LRRC49: variants seen among roughly 807,000 people sequenced by gnomAD.
LRRC49 encodes leucine-rich repeat-containing protein 49.
LRRC49 carries 50 observed loss-of-function variants against 83.3 expected under a neutral mutation model. The ratio of observed to expected loss-of-function variants is 0.60; its 90% CI spans 0.48 to 0.76. The LOEUF is 0.76. Among genes scored for constraint, LRRC49 ranks in the 30% least tolerant of loss-of-function variants. The probability of loss-of-function intolerance (pLI) is 0.00; values close to 1 mark genes in which losing one functional copy is unlikely to be tolerated. For missense variants in LRRC49, 704 were observed against 809.1 expected (o/e 0.87, Z 1.58); for synonymous variants, 286 against 283.3 (o/e 1.01, Z -0.10).
At chr15:71,002,314 G>C (rs2038287430) in intron 11 of LRRC49, among the ~76,000 whole-genome samples, 1 of 151,666 alleles carries the variant, frequency 6.6e-6, no homozygotes, top group African/African-American at 2.4e-5. Flanking sequence ...TTGGCTTATG[G>C]GGGGGGCGTG....
At chr15:70,893,743 A>T in intron 2 of LRRC49, 103 bp downstream of exon 2, 1 of 894,960 alleles carries the variant, frequency 1.1e-6, no homozygotes, top group Non-Finnish European at 1.7e-6. Flanking sequence ...TGAAAAATTT[A>T]AGTAGATTTG....
At chr15:70,883,014 C>A (rs2033306076) in intron 2 of LRRC49, 1 of 1,121,198 alleles carries the variant, frequency 8.9e-7, no homozygotes, top group Non-Finnish European at 1.3e-6. Context: ...TTTTCAGTCA[C>A]ATATTAGTAA....
chr15:70,900,830 A>G, intron 3 of LRRC49, 92 bp from the exon 4 acceptor site: 1 of 720,558 alleles, frequency 1.4e-6, no homozygotes, highest in Non-Finnish European at 2.4e-6. Context: ...TAAGATATTT[A>G]TGGTGCTAAA....
At chr15:70,926,595 G>GTATA in intron 7 of LRRC49, among the ~76,000 whole-genome samples, 1 of 151,926 alleles carries the variant, frequency 6.6e-6, no homozygotes, top group Non-Finnish European at 1.5e-5. Flanking sequence ...GTATACATGT[G>GTATA]CCATGTTGGT....
chr15:71,040,503 T>G, intron 15 of LRRC49, among the ~76,000 whole-genome samples: 1 of 152,128 alleles, frequency 6.6e-6, no homozygotes, highest in East Asian at 1.9e-4. Context: ...AAAGTCTAAC[T>G]TAATCTGGCA....
chr15:71,005,870 A>G (rs1354370475), intron 11 of LRRC49, among the ~76,000 whole-genome samples: 2 of 152,226 alleles, frequency 1.3e-5, no homozygotes, highest in Non-Finnish European at 2.9e-5. Flanking sequence ...TAGAAGAACA[A>G]TCCCCAAAAT....
In LRRC49 at chr15:70,855,334, CAA is replaced by C. The variant is rs1248762528; in HGVS notation, c.-299+1878_-299+1879del. On this transcript the variant is annotated intron_variant, in intron 1 of 16. Transcript: ENST00000544974. ...TGGGCAACAGAGCGAGACTCCGTCTCAAAAAAAAAAAAAAGAAAAAGAAAAAA... is the reference window on the plus strand; with the variant it reads ...TGGGCAACAGAGCGAGACTCCGTCTCAAAAAAAAAAAAGAAAAAGAAAAAA... 1.9e-4 allele frequency among the ~76,000 whole-genome samples: 11 copies of C among 59,184 alleles called. No individual in the cohort carries two copies. The South Asian group carries it at 2.7e-3, about 15-fold the overall frequency. 38.8% of individuals were successfully genotyped at this position (59,184 alleles called of 152,430 possible).
At chr15:70,896,161 G>A (rs1161709216) in intron 3 of LRRC49, among the ~76,000 whole-genome samples, 1 of 151,702 alleles carries the variant, frequency 6.6e-6, no homozygotes, top group Non-Finnish European at 1.5e-5. Context: ...TTTGAGGGTG[G>A]GCTATACACT....
intron 13 of LRRC49, among the ~76,000 whole-genome samples, chr15:71,012,153 T>C (rs1034050050): frequency 6.6e-6 from 1 of 152,212 alleles, no homozygotes. Context: ...ATTTAAAATG[T>C]AAGCAACCCT....
chr15:71,043,032 G>A (rs940902983), intron 15 of LRRC49, among the ~76,000 whole-genome samples: 1 of 152,088 alleles, frequency 6.6e-6, no homozygotes. Flanking sequence ...CTGTCTGAAC[G>A]TTTTACTCAG....
intron 14 of LRRC49, among the ~76,000 whole-genome samples, chr15:71,024,325 G>T (rs1324817969): frequency 6.6e-6 from 1 of 152,168 alleles, no homozygotes; most frequent in Non-Finnish European, 1.5e-5. Context: ...CTCAACAAGG[G>T]TTGCCAGACA....
chr15:70,991,532 T>G (rs898585033), intron 11 of LRRC49, among the ~76,000 whole-genome samples: 4 of 152,226 alleles, frequency 2.6e-5, no homozygotes, highest in African/African-American at 9.6e-5. Flanking sequence ...TCCATTTGCA[T>G]GGATTTGGTA....
chr15:70,958,438 A>G (rs1056421266), intron 8 of LRRC49, among the ~76,000 whole-genome samples: 1 of 152,218 alleles, frequency 6.6e-6, no homozygotes, highest in African/African-American at 2.4e-5. Context: ...GTGGAGGGAA[A>G]GTGATGAGTT....
chr15:70,858,608 A>AAAAAC (rs562821604), intron 1 of LRRC49: 3 of 515,138 alleles, frequency 5.8e-6, no homozygotes, highest in Non-Finnish European at 1.0e-5. Context: ...GGTCTCAATT[A>AAAAAC]AAAACAAAAC....
chr15:70,854,859 G>A (rs575510781), intron 1 of LRRC49, among the ~76,000 whole-genome samples: 1 of 152,296 alleles, frequency 6.6e-6, no homozygotes, highest in Admixed American at 6.5e-5. Flanking sequence ...TTCGAAAGCC[G>A]ATGGCCTATA....
chr15:70,940,278 A>G (rs541698214), intron 8 of LRRC49, among the ~76,000 whole-genome samples: 51 of 121,744 alleles, frequency 4.2e-4, no homozygotes, highest in Non-Finnish European at 7.4e-4. Context: ...TTTTTTTGAG[A>G]CGGAGTCTCG....
In LRRC49 at chr15:70,900,949, C is replaced by G. The variant is rs1323882387; in HGVS notation, c.221C>G (p.Ser74Ter). 1.9e-6 allele frequency: 3 copies of G among 1,607,882 alleles called. No individual in the cohort carries two copies. Among genetic ancestry groups the G allele is most frequent in the East Asian group, 2.2e-5 (1 of 44,756 alleles). ...GATCATATTAATTTGGTGAGCTCAT[C>G]ATTGTCATCATTTCCTATTCTTCAA... The part of the protein sequence containing the change: ...QGDHINLVSS[S>*]LSSFPILQRS... The change falls in exon 4 of 16, where the codon TCA (serine) becomes TGA (stop). Residue 74 changes from serine to a stop codon, truncating the protein, a stop_gained. Transcript: ENST00000260382. LOFTEE classifies it high-confidence loss of function.
chr15:70,953,955 C>T (rs976395947), intron 8 of LRRC49, among the ~76,000 whole-genome samples: 2 of 151,878 alleles, frequency 1.3e-5, no homozygotes, highest in African/African-American at 4.8e-5. Context: ...AGTGCAGTGG[C>T]GTGATCTTGG....
intron 12 of LRRC49, among the ~76,000 whole-genome samples, chr15:71,009,229 TAGTTAGAGGTGAAGAC>T (rs902728201): frequency 3.3e-5 from 5 of 151,878 alleles, no homozygotes; most frequent in Admixed American, 3.3e-4. Flanking sequence ...CTAAAAAAGA[TAGTTAGAGGTGAAGAC>T]AGTATGTTTA....
Sources: gnomAD v4.1 joint callset for allele counts (sites outside exome capture counted in the v4.1 genomes callset) on GRCh38, gnomAD v4.1.1 for gene constraint, MANE v1.5 for transcripts, NCBI Gene and HGNC (gene_info 2026-07-23, HGNC 2026-07-21) for gene names.